The following FAM234A variants were observed in gnomAD, a reference collection of about 807,000 sequenced individuals.
The protein encoded by FAM234A is family with sequence similarity 234 member A.
A neutral mutation model predicts 49.1 loss-of-function variants in FAM234A; 42 were observed. The observed-to-expected ratio is 0.86, with a 90% CI of 0.67 to 1.11. The LOEUF (loss-of-function observed/expected upper bound fraction) is 1.11. Among genes scored for constraint, FAM234A ranks in the 50% least tolerant of loss-of-function variants. The probability of loss-of-function intolerance (pLI) is 0.00; values close to 1 mark genes in which losing one functional copy is unlikely to be tolerated. For missense variants in FAM234A, 815 were observed against 745.2 expected (o/e 1.09, Z -1.09); for synonymous variants, 369 against 316.2 (o/e 1.17, Z -1.77).
At chr16:258,728 T>C (rs1465176295) in intron 3 of FAM234A, among the ~76,000 whole-genome samples, 1 of 152,014 alleles carries the variant, frequency 6.6e-6, no homozygotes, top group African/African-American at 2.4e-5. Flanking sequence ...CCAGTAGGGG[T>C]GGCCGGGCAG....
chr16:244,988 G>A (rs758581615), intron 1 of FAM234A, among the ~76,000 whole-genome samples: 1 of 151,832 alleles, frequency 6.6e-6, no homozygotes, highest in Admixed American at 6.6e-5. Flanking sequence ...CATCGCGCTC[G>A]ACCAATAACT....
chr16:240,044 G>T (rs1299343067), intron 1 of FAM234A: 3 of 152,206 alleles, frequency 2.0e-5, no homozygotes, highest in Admixed American at 2.0e-4. Flanking sequence ...GCTTTGCTCA[G>T]CTGAAACATC....
chr16:264,446 TG>T (rs2051611563), intron 11 of FAM234A, among the ~76,000 whole-genome samples, 167 bp from the exon 12 acceptor site: 1 of 151,954 alleles, frequency 6.6e-6, no homozygotes, highest in Non-Finnish European at 1.5e-5. Flanking sequence ...CAGGACCAGG[TG>T]GGGTGGGAGG....
intron 8 of FAM234A, 27 bp downstream of exon 8, chr16:262,580 A>C: frequency 6.4e-7 from 1 of 1,553,358 alleles, no homozygotes; most frequent in Middle Eastern, 2.0e-4. Flanking sequence ...GCCTTTCTCC[A>C]TGCAGAGCGC....
In FAM234A at chr16:254,600, G is replaced by C. The variant is rs1225869977; in HGVS notation, c.187G>C (p.Val63Leu). 1 of 1,614,116 alleles carries C rather than the reference G, an allele frequency of 6.2e-7. No individual in the cohort carries two copies. Among genetic ancestry groups the C allele is most frequent in the East Asian group, 2.2e-5 (1 of 44,890 alleles). Residue 63 changes from valine (V) to leucine (L), a missense_variant, in exon 3 of 13, where the codon GTG becomes CTG. Transcript: ENST00000399932. ...TTCATTGTTTCTCTGCCTTTTTGTG[G>C]TGTTCGTCGTCTCATTCGTCATCCC... is the stretch of plus-strand genomic sequence containing the variant. ...FLSLFLCLFV[V>L]FVVSFVIPCP... is the part of the protein sequence containing the mutation.
At chr16:250,077 G>A (rs9939662) in intron 2 of FAM234A, among the ~76,000 whole-genome samples, 2 of 152,074 alleles carry the variant, frequency 1.3e-5, no homozygotes, top group African/African-American at 4.8e-5. Context: ...TCCTATAGGC[G>A]CATGCCGCCA....
At chr16:259,428 G>T in intron 3 of FAM234A, 55 bp from the exon 4 acceptor site, 2 of 1,025,578 alleles carry the variant, frequency 2.0e-6, no homozygotes, top group Non-Finnish European at 3.1e-6. Context: ...GGACCTGATC[G>T]TTCCTGGAAA....
Position 246,345 on chromosome 16 carries a change from C to G in FAM234A, c.-139-3204C>G, listed in dbSNP as rs1280300359. Among the ~76,000 whole-genome samples, 5 of 142,146 alleles carry G rather than the reference C, an allele frequency of 3.5e-5. No homozygotes were observed. In the South Asian group the frequency reaches 9.1e-4, roughly 26 times the overall value. The allele number at this position is 142,146 out of a possible 152,430, so 93.3% of individuals were successfully genotyped here. A position where few individuals can be genotyped will look rare whatever the true frequency, so the allele number is the denominator to read the frequency against. On this transcript the variant is annotated intron_variant, in intron 1 of 12. Coordinates refer to ENST00000399932, the MANE Select transcript of FAM234A (RefSeq NM_032039.4). ...CCAGGCTGGAGCACAGTGGTGCAGT[C>G]TCGGCTCACCGCAACCTCTGCCTCC... is the stretch of plus-strand genomic sequence containing the variant.
At chr16:241,828 AC>A in intron 1 of FAM234A, among the ~76,000 whole-genome samples, 1 of 145,036 alleles carries the variant, frequency 6.9e-6, no homozygotes, top group East Asian at 2.1e-4. Flanking sequence ...GAGGCTTGAA[AC>A]CAGGAGGCGG....
intron 1 of FAM234A, among the ~76,000 whole-genome samples, chr16:243,947 T>C (rs1470149220): frequency 1.3e-5 from 2 of 152,134 alleles, no homozygotes; most frequent in African/African-American, 4.8e-5. Flanking sequence ...ATATCCGTTT[T>C]TTCCCCACAG....
intron 2 of FAM234A, among the ~76,000 whole-genome samples, chr16:250,223 G>A (rs2050953550): frequency 6.6e-6 from 1 of 152,198 alleles, no homozygotes; most frequent in African/African-American, 2.4e-5. Flanking sequence ...GAGCCACCGC[G>A]CCCGGCCAGG....
chr16:252,482 G>A (rs985424674), intron 2 of FAM234A, among the ~76,000 whole-genome samples: 7 of 152,118 alleles, frequency 4.6e-5, no homozygotes, highest in South Asian at 2.1e-4. Flanking sequence ...GTGCCCGGCC[G>A]GAAAGTCTGT....
chr16:268,411 C>CGCCG (rs1486710706), downstream of FAM234A: 2 of 330,184 alleles, frequency 6.1e-6, no homozygotes, highest in Admixed American at 8.5e-5. Context: ...ACCGCCCTAC[C>CGCCG]GCCGAGAGAG....
chr16:268,712 C>T, downstream of FAM234A: 2 of 1,503,662 alleles, frequency 1.3e-6, no homozygotes, highest in Non-Finnish European at 1.8e-6. Context: ...GGAATAGGCG[C>T]AGCTCCGGAA....
At chr16:263,896 C>A in intron 10 of FAM234A, 120 bp from the exon 11 acceptor site, 1 of 1,402,178 alleles carries the variant, frequency 7.1e-7, no homozygotes, top group Non-Finnish European at 1.0e-6. Context: ...GAAGGTTCTG[C>A]CTCCCTCAGA....
chr16:261,079 G>T, intron 5 of FAM234A: 1 of 299,522 alleles, frequency 3.3e-6, no homozygotes, highest in Non-Finnish European at 6.5e-6. Flanking sequence ...AGGACACGCA[G>T]ATAGGAGAAA....
chr16:244,267 C>G lies in FAM234A; in HGVS notation c.-139-5282C>G, dbSNP rs573192318. ...ACAGGCGTGAGCCACCGCGCCCGGT[C>G]GGAAAATGATTTTAATGGATGGTTT... On this transcript the variant is annotated intron_variant, in intron 1 of 12. Coordinates refer to ENST00000399932, the MANE Select transcript of FAM234A (RefSeq NM_032039.4). Among the ~76,000 whole-genome samples, 4 of 152,274 alleles carry G rather than the reference C, an allele frequency of 2.6e-5. No individual in the cohort carries two copies. In the South Asian group the frequency reaches 6.2e-4, roughly 24 times the overall value.
intron 1 of FAM234A, among the ~76,000 whole-genome samples, chr16:247,948 A>C (rs2050872284): frequency 6.6e-6 from 1 of 152,070 alleles, no homozygotes; most frequent in African/African-American, 2.4e-5. Flanking sequence ...GCGGGGCCTG[A>C]CTGTCTGGGA....
At chr16:241,778 T>G (rs932850122) in intron 1 of FAM234A, among the ~76,000 whole-genome samples, 2 of 151,618 alleles carry the variant, frequency 1.3e-5, no homozygotes, top group South Asian at 2.1e-4. Flanking sequence ...TTAGCCGGGC[T>G]TGGTGGCGGG....
Sources: gnomAD v4.1 joint callset for allele counts (sites outside exome capture counted in the v4.1 genomes callset) on GRCh38, gnomAD v4.1.1 for gene constraint, MANE v1.5 for transcripts, NCBI Gene and HGNC (gene_info 2026-07-23, HGNC 2026-07-21) for gene names.